SGCZ: variants seen among roughly 807,000 people sequenced by gnomAD.
The protein encoded by SGCZ is sarcoglycan zeta.
In SGCZ, 40 loss-of-function variants were observed where a neutral mutation model predicts 41.3. The ratio of observed to expected loss-of-function variants is 0.97; its 90% CI spans 0.75 to 1.26. The LOEUF (loss-of-function observed/expected upper bound fraction) is 1.26. Ranked by LOEUF, SGCZ falls within the 50% of genes most tolerant of loss-of-function variation. SGCZ has a pLI of 0.00. For missense variants in SGCZ, 552 were observed against 369.8 expected, an observed-to-expected ratio of 1.49 and a Z score of -4.04; for synonymous variants, 206 against 137.5, an observed-to-expected ratio of 1.50 and a Z score of -3.49.
chr8:14,745,364 T>TA (rs2130295756), intron 1 of SGCZ, among the ~76,000 whole-genome samples: 1 of 152,296 alleles, frequency 6.6e-6, no homozygotes, highest in South Asian at 2.1e-4. Flanking sequence ...ATCTGTATAA[T>TA]ACATATTGAT....
chr8:14,129,639 C>T (rs942584429), intron 5 of SGCZ, among the ~76,000 whole-genome samples: 9 of 151,510 alleles, frequency 5.9e-5, no homozygotes, highest in African/African-American at 2.2e-4. Flanking sequence ...AACTTTATAC[C>T]TTGAAGAAGA....
intron 1 of SGCZ, among the ~76,000 whole-genome samples, chr8:14,935,992 T>C (rs923731906): frequency 2.0e-5 from 3 of 151,904 alleles, no homozygotes; most frequent in African/African-American, 7.2e-5. Context: ...GAAGACAATT[T>C]CCATGCGATT....
chr8:15,192,706 G>A (rs1228666153), intron 1 of SGCZ, among the ~76,000 whole-genome samples: 1 of 152,042 alleles, frequency 6.6e-6, no homozygotes, highest in Non-Finnish European at 1.5e-5. Flanking sequence ...ATGATAAGTT[G>A]TACAACTCCT....
intron 5 of SGCZ, among the ~76,000 whole-genome samples, chr8:14,122,245 C>T (rs1585154492): frequency 6.6e-6 from 1 of 151,948 alleles, no homozygotes; most frequent in South Asian, 2.1e-4. Context: ...CCACTGCACT[C>T]GGCAGCCTGG....
At chr8:14,676,578 A>T (rs1467197106) in intron 1 of SGCZ, among the ~76,000 whole-genome samples, 1 of 152,208 alleles carries the variant, frequency 6.6e-6, no homozygotes, top group Non-Finnish European at 1.5e-5. Flanking sequence ...AAAATAGTCC[A>T]ACATTATTTA....
chr8:15,135,112 A>G (rs1012890556), intron 1 of SGCZ, among the ~76,000 whole-genome samples: 3 of 152,182 alleles, frequency 2.0e-5, no homozygotes, highest in African/African-American at 7.2e-5. Context: ...GAAAAATTAT[A>G]TGCAACTTTA....
chr8:14,370,337 G>A (rs753440476), intron 2 of SGCZ, among the ~76,000 whole-genome samples: 100 of 151,898 alleles, frequency 6.6e-4, no homozygotes, highest in Non-Finnish European at 1.2e-3. Flanking sequence ...TAAACAGCCT[G>A]TAGTATATTG....
intron 2 of SGCZ, among the ~76,000 whole-genome samples, chr8:14,485,833 A>ATTTTTTTTTTTCT (rs377133153): frequency 9.7e-6 from 1 of 103,368 alleles, no homozygotes; most frequent in Non-Finnish European, 1.9e-5. Context: ...CTCTAGAACA[A>ATTTTTTTTTTTCT]TTTTTTTTTT....
chr8:14,461,513 C>T (rs1481376546), intron 2 of SGCZ, among the ~76,000 whole-genome samples: 1 of 152,032 alleles, frequency 6.6e-6, no homozygotes, highest in African/African-American at 2.4e-5. Context: ...TTAGAGACTG[C>T]ACTTTAACAA....
chr8:14,136,560 T>A (rs1372715694), intron 5 of SGCZ, among the ~76,000 whole-genome samples: 1 of 152,104 alleles, frequency 6.6e-6, no homozygotes, highest in Non-Finnish European at 1.5e-5. Context: ...AGCACAGCAG[T>A]CCCAGATCAA....
At chr8:15,045,623 TTA>T (rs2130985193) in intron 1 of SGCZ, among the ~76,000 whole-genome samples, 1 of 152,236 alleles carries the variant, frequency 6.6e-6, no homozygotes, top group African/African-American at 2.4e-5. Flanking sequence ...GCACATTTGT[TTA>T]TGTTTATATT....
chr8:15,139,979 T>C (rs1318312374), intron 1 of SGCZ, among the ~76,000 whole-genome samples: 2 of 152,028 alleles, frequency 1.3e-5, no homozygotes, highest in Non-Finnish European at 2.9e-5. Flanking sequence ...CCTCTATGCA[T>C]TAAAGTTGGT....
intron 1 of SGCZ, among the ~76,000 whole-genome samples, chr8:14,698,571 T>G (rs966200524): frequency 5.9e-5 from 9 of 152,054 alleles, no homozygotes; most frequent in African/African-American, 2.2e-4. Flanking sequence ...CCAGAAAAAT[T>G]GTTAATTTCT....
chr8:14,274,224 AG>A (rs1800156251), intron 3 of SGCZ, among the ~76,000 whole-genome samples: 2 of 152,198 alleles, frequency 1.3e-5, no homozygotes, highest in African/African-American at 2.4e-5. Flanking sequence ...ATCTGACAGA[AG>A]AAAATAAAGC....
At chr8:14,877,616 A>T (rs990946535) in intron 1 of SGCZ, among the ~76,000 whole-genome samples, 2 of 152,134 alleles carry the variant, frequency 1.3e-5, no homozygotes, top group African/African-American at 4.8e-5. Context: ...AGGCATAAAA[A>T]ATAATATTTT....
At chr8:14,486,595 C>T (rs774886748) in intron 2 of SGCZ, among the ~76,000 whole-genome samples, 4 of 152,176 alleles carry the variant, frequency 2.6e-5, no homozygotes, top group Non-Finnish European at 4.4e-5. Flanking sequence ...CGCGTGCGCA[C>T]GTGTGTCTTT....
intron 1 of SGCZ, among the ~76,000 whole-genome samples, chr8:14,656,716 T>A (rs551317535): frequency 6.6e-6 from 1 of 151,634 alleles, no homozygotes; most frequent in East Asian, 1.9e-4. Flanking sequence ...TCCACTGGAA[T>A]CTCTAGTTTG....
intron 1 of SGCZ, among the ~76,000 whole-genome samples, chr8:14,781,767 T>C (rs951153346): frequency 4.6e-5 from 7 of 152,158 alleles, no homozygotes; most frequent in African/African-American, 1.7e-4. Flanking sequence ...ATCAAATCAC[T>C]GCCTAGCCTA....
rs369015699 is a variant in SGCZ at position 15,083,189 on chromosome 8, A to T, written c.39+154396T>A. Among the ~76,000 whole-genome samples, 14 of 152,364 alleles carry T rather than the reference A, an allele frequency of 9.2e-5. No homozygotes were observed. In the South Asian group the frequency reaches 2.9e-3, roughly 32 times the overall value. ...TAAAATGAAACTAAGAGACCTACAG[A>T]TTATAAACATTCATATCAATTTCCC... is the stretch of plus-strand genomic sequence containing the variant. On this transcript the variant is annotated intron_variant, in intron 1 of 7. Transcript: ENST00000382080.
Sources: allele counts gnomAD v4.1 joint callset (sites outside exome capture counted in the v4.1 genomes callset), GRCh38; gene constraint gnomAD v4.1.1; transcripts MANE v1.5; gene names NCBI Gene and HGNC (gene_info 2026-07-23, HGNC 2026-07-21).